NDFIP2: variants seen among roughly 807,000 people sequenced by gnomAD.
NDFIP2 encodes NEDD4 family-interacting protein 2.
NDFIP2 carries 19 observed loss-of-function variants against 36.0 expected under a neutral mutation model. The observed-to-expected ratio is 0.53, with a 90% CI of 0.37 to 0.77. The LOEUF is 0.77. NDFIP2 is among the 30% of genes least tolerant of loss of function. NDFIP2 has a pLI of 0.00. For synonymous variants in NDFIP2, 181 were observed against 167.7 expected (o/e 1.08, Z -0.61); for missense variants, 446 against 435.8 (o/e 1.02, Z -0.21).
At chr13:79,502,151 A>T (rs1379176472) in intron 1 of NDFIP2, among the ~76,000 whole-genome samples, 3 of 152,168 alleles carry the variant, frequency 2.0e-5, no homozygotes, top group Non-Finnish European at 2.9e-5. Context: ...AGGCGTAAAG[A>T]GATTAATAAC....
At chr13:79,539,593 C>T in intron 3 of NDFIP2, 89 bp from the exon 4 acceptor site, 5 of 997,478 alleles carry the variant, frequency 5.0e-6, no homozygotes, top group Non-Finnish European at 7.8e-6. Flanking sequence ...AAATTGAGAA[C>T]ATTAGATGTT....
rs969882841 is a variant in NDFIP2 at position 79,555,283 on chromosome 13, A to G, written c.*2770A>G. The G allele has an allele frequency of 3.3e-5, 5 of 149,804 alleles. No individual in the cohort carries two copies. The South Asian group carries it at 8.6e-4, about 26-fold the overall frequency. 9.3% of individuals were successfully genotyped at this position (149,804 alleles called of 1,614,324 possible). On this transcript the variant is annotated 3_prime_UTR_variant, in exon 8 of 8. Transcript: ENST00000218652. ...TTCAAGAAGTGCAAAAAGTAATGAT[A>G]GTGAATGTGATACCATACTTAACTA...
chr13:79,486,028 A>T (rs779559289), intron 1 of NDFIP2, among the ~76,000 whole-genome samples: 3 of 152,208 alleles, frequency 2.0e-5, no homozygotes, highest in Non-Finnish European at 2.9e-5. Context: ...ACACCACATG[A>T]TATCACAAGT....
chr13:79,512,359 G>A (rs998433657), intron 1 of NDFIP2, among the ~76,000 whole-genome samples: 4 of 152,072 alleles, frequency 2.6e-5, no homozygotes, highest in African/African-American at 9.7e-5. Flanking sequence ...TTTAAAAAAT[G>A]CATCGAAGCA....
At chr13:79,521,173 G>A (rs552528989) in intron 2 of NDFIP2, among the ~76,000 whole-genome samples, 198 bp downstream of exon 2, 35 of 151,972 alleles carry the variant, frequency 2.3e-4, no homozygotes, top group South Asian at 1.2e-3. Flanking sequence ...ATATGTGTAC[G>A]TACTTATATA....
chr13:79,546,546 GA>G (rs1446057044), intron 5 of NDFIP2, among the ~76,000 whole-genome samples: 1 of 151,916 alleles, frequency 6.6e-6, no homozygotes, highest in East Asian at 1.9e-4. Context: ...TTACTTATAT[GA>G]AAAAAACAAC....
chr13:79,546,273 G>T (rs143755799), intron 5 of NDFIP2, among the ~76,000 whole-genome samples: 1 of 152,046 alleles, frequency 6.6e-6, no homozygotes, highest in Admixed American at 6.6e-5. Flanking sequence ...TCTGAGCTGC[G>T]ATGAACCTCG....
At chr13:79,534,355 T>G (rs1186717923) in intron 3 of NDFIP2, among the ~76,000 whole-genome samples, 2 of 147,908 alleles carry the variant, frequency 1.4e-5, no homozygotes, top group Non-Finnish European at 3.0e-5. Flanking sequence ...CAGCTGTTTT[T>G]TTTTTTTTTT....
chr13:79,490,198 C>T (rs1873171046), intron 1 of NDFIP2, among the ~76,000 whole-genome samples: 1 of 152,164 alleles, frequency 6.6e-6, no homozygotes, highest in Non-Finnish European at 1.5e-5. Context: ...TGAGTGAGAA[C>T]ACTTCCTGGA....
Position 79,508,513 on chromosome 13 carries a change from T to G in NDFIP2, c.322-12297T>G, listed in dbSNP as rs150782939. On this transcript the variant is annotated intron_variant, in intron 1 of 7. Coordinates refer to ENST00000218652, the MANE Select transcript of NDFIP2 (RefSeq NM_019080.3). ...GTGGATCATTCATGCCTCCCCTTTT[T>G]AGACCACATAGGGTAACTTCCTGAC... is the stretch of plus-strand genomic sequence containing the variant. 2.1e-3 allele frequency among the ~76,000 whole-genome samples: 325 copies of G among 152,364 alleles called. 3 individuals are homozygous for G. Among genetic ancestry groups the G allele is most frequent in the African/African-American group, 7.1e-3 (294 of 41,592 alleles).
At chr13:79,530,704 G>A (rs1422805343) in intron 2 of NDFIP2, among the ~76,000 whole-genome samples, 1 of 152,168 alleles carries the variant, frequency 6.6e-6, no homozygotes. Flanking sequence ...TCCATAAGAA[G>A]CAACTGTTCA....
intron 5 of NDFIP2, 79 bp downstream of exon 5, chr13:79,543,761 C>T: frequency 6.5e-7 from 1 of 1,527,040 alleles, no homozygotes; most frequent in Non-Finnish European, 8.9e-7. Context: ...CATAAATGGT[C>T]ACTTTATTTT....
intron 1 of NDFIP2, among the ~76,000 whole-genome samples, chr13:79,505,420 A>G (rs1183249198): frequency 2.0e-5 from 3 of 152,154 alleles, no homozygotes; most frequent in African/African-American, 7.2e-5. Context: ...GCTTGAGCCC[A>G]GGAGTTCAAG....
chr13:79,502,418 C>T (rs1274499026), intron 1 of NDFIP2, among the ~76,000 whole-genome samples: 1 of 152,132 alleles, frequency 6.6e-6, no homozygotes, highest in Non-Finnish European at 1.5e-5. Flanking sequence ...AAACCAGTTA[C>T]ACACCGTCCA....
At chr13:79,533,273 A>G (rs1300766411) in intron 2 of NDFIP2, 50 bp from the exon 3 acceptor site, 1 of 1,564,798 alleles carries the variant, frequency 6.4e-7, no homozygotes, top group Non-Finnish European at 8.7e-7. Flanking sequence ...GGCTATGGCT[A>G]CAAAATTAAA....
intron 1 of NDFIP2, among the ~76,000 whole-genome samples, chr13:79,497,503 T>C (rs1159015617): frequency 6.6e-6 from 1 of 151,960 alleles, no homozygotes; most frequent in African/African-American, 2.4e-5. Flanking sequence ...CCTGCCTGTC[T>C]TTTTTAATAT....
At position 79,526,060 on chromosome 13, in the gene NDFIP2, A is replaced by G. The variant is rs1185912495; in HGVS notation, c.487+5085A>G. On this transcript the variant is annotated intron_variant, in intron 2 of 7. Transcript: ENST00000218652. The stretch of plus-strand genomic sequence containing the variant: ...CTTAGCAGATGGAGAGAAGAGGTGG[A>G]GCTGCTAAAACTTCAGACAGGAGAT... Among the ~76,000 whole-genome samples, 3 of 152,180 alleles carry G rather than the reference A, an allele frequency of 2.0e-5. No individual in the cohort carries two copies. In the East Asian group the frequency reaches 5.8e-4, roughly 29 times the overall value.
chr13:79,516,224 T>C (rs559538239), intron 1 of NDFIP2, among the ~76,000 whole-genome samples: 16 of 152,178 alleles, frequency 1.1e-4, no homozygotes, highest in African/African-American at 3.9e-4. Context: ...GTGCCATGGG[T>C]AGCTCCAATA....
At chr13:79,516,244 T>TTTTTG (rs111237476) in intron 1 of NDFIP2, among the ~76,000 whole-genome samples, 6,348 of 151,860 alleles carry the variant, frequency 0.042, 444 homozygotes, top group African/African-American at 0.15. Context: ...AGTAAAAAAG[T>TTTTTG]TTTTGTTTTG....
Sources: allele counts gnomAD v4.1 joint callset (sites outside exome capture counted in the v4.1 genomes callset), GRCh38; gene constraint gnomAD v4.1.1; transcripts MANE v1.5; gene names NCBI Gene and HGNC (gene_info 2026-07-23, HGNC 2026-07-21).